Variants in MSI2 observed in about 807,000 individuals in gnomAD.
The protein encoded by MSI2 is musashi RNA binding protein 2, also known as RNA-binding protein Musashi homolog 2.
In MSI2, 17 loss-of-function variants were observed where a neutral mutation model predicts 45.6. That is an observed-to-expected ratio of 0.37 (90% CI 0.26 to 0.56). The LOEUF (loss-of-function observed/expected upper bound fraction) is 0.56. MSI2 is among the 20% of genes least tolerant of loss of function. The pLI, the probability that MSI2 is intolerant of heterozygous loss-of-function variation, is 0.77. For synonymous variants in MSI2, 156 were observed against 158.2 expected (o/e 0.99, Z 0.11); for missense variants, 293 against 444.2 (o/e 0.66, Z 3.06).
chr17:57,630,227 T>A (rs950952407), intron 10 of MSI2: 4 of 151,132 alleles, frequency 2.6e-5, no homozygotes, highest in African/African-American at 9.7e-5. Context: ...TAGAGTGGGG[T>A]TGGAGTGTTT....
At position 57,649,977 on chromosome 17, in the gene MSI2, C is replaced by T. The variant is rs1272140578; in HGVS notation, c.728-2122C>T. 1.3e-5 allele frequency among the ~76,000 whole-genome samples: 2 copies of T among 152,190 alleles called. 1 individual carries two copies. The highest frequency in any genetic ancestry group is 4.1e-4 in the South Asian group (2 of 4,826). On this transcript the variant is annotated intron_variant, in intron 10 of 13. Coordinates refer to ENST00000284073, the MANE Select transcript of MSI2 (RefSeq NM_138962.4). ...GGGCAGCCCTGCTCCTTCAGCCCCT[C>T]TTCTCACACCCTCCCTCTCCAGGGT...
chr17:57,582,916 C>G (rs552519930), intron 7 of MSI2, among the ~76,000 whole-genome samples: 1 of 152,264 alleles, frequency 6.6e-6, no homozygotes, highest in East Asian at 1.9e-4. Context: ...TTTTTAGCAA[C>G]AAAAACACTA....
chr17:57,493,725 G>A (rs1598330852), intron 6 of MSI2, among the ~76,000 whole-genome samples: 1 of 151,530 alleles, frequency 6.6e-6, no homozygotes, highest in Non-Finnish European at 1.5e-5. Flanking sequence ...TCTGCCTGTG[G>A]TCATTATTAC....
intron 11 of MSI2, among the ~76,000 whole-genome samples, chr17:57,656,543 A>T (rs1440025593): frequency 6.6e-6 from 1 of 152,146 alleles, no homozygotes; most frequent in Non-Finnish European, 1.5e-5. Flanking sequence ...GGGAAATGAG[A>T]CATGGTAAGG....
the MSI2 span, among the ~76,000 whole-genome samples, chr17:57,693,906 G>A: frequency 6.6e-6 from 1 of 152,176 alleles, no homozygotes; most frequent in South Asian, 2.1e-4. Flanking sequence ...TTTTTGTATG[G>A]CCTATGAGTT....
chr17:57,645,265 T>C (rs978075269), intron 10 of MSI2, among the ~76,000 whole-genome samples: 16 of 152,138 alleles, frequency 1.1e-4, no homozygotes, highest in African/African-American at 3.1e-4. Context: ...AGACATCGCA[T>C]TGGCTCTCAC....
intron 3 of MSI2, 141 bp downstream of exon 3, chr17:57,257,688 C>A (rs541707472): frequency 1.0e-5 from 6 of 600,954 alleles, no homozygotes; most frequent in Admixed American, 2.9e-5. Flanking sequence ...TCTATACCAC[C>A]CCCACCGCCC....
chr17:57,440,130 G>A (rs115542412), intron 6 of MSI2, among the ~76,000 whole-genome samples: 2,133 of 152,252 alleles, frequency 0.014, 51 homozygotes, highest in African/African-American at 0.049. Context: ...TTTGAACTGT[G>A]CTTGAAAGGG....
intron 11 of MSI2, among the ~76,000 whole-genome samples, chr17:57,669,299 G>C (rs1309809884): frequency 6.6e-6 from 1 of 152,236 alleles, no homozygotes; most frequent in Non-Finnish European, 1.5e-5. Context: ...CTCCAGTAAA[G>C]AGTGGCTGGC....
chr17:57,512,612 C>A (rs2086378490), intron 6 of MSI2, among the ~76,000 whole-genome samples: 1 of 152,200 alleles, frequency 6.6e-6, no homozygotes, highest in African/African-American at 2.4e-5. Flanking sequence ...TCACAGAAAC[C>A]ATCTCATGTC....
intron 6 of MSI2, among the ~76,000 whole-genome samples, chr17:57,514,843 A>G (rs924562465): frequency 3.3e-5 from 5 of 152,074 alleles, no homozygotes; most frequent in African/African-American, 1.2e-4. Flanking sequence ...CTCAGGGTCA[A>G]CAGAAGGAAT....
intron 5 of MSI2, among the ~76,000 whole-genome samples, chr17:57,289,027 A>C (rs901280467): frequency 6.6e-6 from 1 of 152,162 alleles, no homozygotes; most frequent in African/African-American, 2.4e-5. Context: ...TCACTTCTCT[A>C]TAAGAAGGGG....
At chr17:57,276,324 A>G (rs1353628314) in intron 5 of MSI2, among the ~76,000 whole-genome samples, 1 of 152,226 alleles carries the variant, frequency 6.6e-6, no homozygotes, top group Non-Finnish European at 1.5e-5. Context: ...CAGATGAAGT[A>G]AAAAGAAAAT....
At chr17:57,615,096 G>T (rs1907548665) in intron 8 of MSI2, among the ~76,000 whole-genome samples, 1 of 151,824 alleles carries the variant, frequency 6.6e-6, no homozygotes, top group Non-Finnish European at 1.5e-5. Context: ...GAACCTGTTG[G>T]GGAGGGCTTT....
At chr17:57,621,850 C>CCT (rs1908317059) in intron 9 of MSI2, among the ~76,000 whole-genome samples, 2 of 152,182 alleles carry the variant, frequency 1.3e-5, no homozygotes, top group Admixed American at 6.5e-5. Flanking sequence ...GAGGGGTTAT[C>CCT]CTTAGGCCAG....
chr17:57,337,476 G>A (rs1164246900), intron 5 of MSI2, among the ~76,000 whole-genome samples: 2 of 152,020 alleles, frequency 1.3e-5, no homozygotes, highest in Non-Finnish European at 2.9e-5. Context: ...TAGCCTTCAC[G>A]GCTGGGTGTC....
At chr17:57,319,962 G>A (rs1555577816) in intron 5 of MSI2, among the ~76,000 whole-genome samples, 1 of 152,110 alleles carries the variant, frequency 6.6e-6, no homozygotes, top group South Asian at 2.1e-4. Context: ...AGGGGCGACT[G>A]CAGCTCTCAG....
chr17:57,520,833 T>A (rs914165817), intron 6 of MSI2, among the ~76,000 whole-genome samples: 3 of 150,152 alleles, frequency 2.0e-5, no homozygotes, highest in Non-Finnish European at 1.5e-5. Flanking sequence ...TTTTTTTTTT[T>A]CTTGTATTTT....
At chr17:57,507,659 A>AC (rs1014746222) in intron 6 of MSI2, among the ~76,000 whole-genome samples, 3 of 150,606 alleles carry the variant, frequency 2.0e-5, no homozygotes, top group Non-Finnish European at 4.4e-5. Flanking sequence ...CACCCCCCTG[A>AC]CCCCCGCCTC....
Sources: gnomAD v4.1 joint callset for allele counts (sites outside exome capture counted in the v4.1 genomes callset) on GRCh38, gnomAD v4.1.1 for gene constraint, MANE v1.5 for transcripts, NCBI Gene and HGNC (gene_info 2026-07-23, HGNC 2026-07-21) for gene names.